Variants in TNIK observed in about 807,000 individuals in gnomAD.
TNIK encodes the protein TRAF2 and NCK interacting kinase, also known as TRAF2 and NCK-interacting protein kinase.
In TNIK, 49 loss-of-function variants were observed where a neutral mutation model predicts 191.3. The ratio of observed to expected loss-of-function variants is 0.26; its 90% confidence interval spans 0.20 to 0.32. The LOEUF (loss-of-function observed/expected upper bound fraction) is 0.32. Ranked by LOEUF, TNIK falls within the 10% of genes least tolerant of loss-of-function variation. TNIK has a pLI of 1.00. For missense variants in TNIK, 1,155 were observed against 1,702.3 expected, an observed-to-expected ratio of 0.68 and a Z score of 5.66; for synonymous variants, 594 against 600.9, an observed-to-expected ratio of 0.99 and a Z score of 0.17.
chr3:171,117,177 G>C (rs1726858812), intron 18 of TNIK, among the ~76,000 whole-genome samples: 1 of 152,216 alleles, frequency 6.6e-6, no homozygotes, highest in Admixed American at 6.5e-5. Flanking sequence ...ATCAAGAGGA[G>C]CTGTTAACAG....
intron 4 of TNIK, among the ~76,000 whole-genome samples, chr3:171,208,626 C>T (rs917052238): frequency 8.6e-5 from 13 of 151,836 alleles, no homozygotes; most frequent in African/African-American, 2.7e-4. Flanking sequence ...GACACTATCT[C>T]GGCTTACTGC....
intron 2 of TNIK, among the ~76,000 whole-genome samples, chr3:171,322,916 T>A (rs749510890): frequency 6.6e-6 from 1 of 151,898 alleles, no homozygotes; most frequent in Non-Finnish European, 1.5e-5. Flanking sequence ...CCTGCTTTTG[T>A]ATAGCCAGTG....
intron 2 of TNIK, among the ~76,000 whole-genome samples, chr3:171,330,268 G>GA (rs140529699): frequency 1.3e-5 from 2 of 152,014 alleles, no homozygotes; most frequent in African/African-American, 2.4e-5. Context: ...ATAGCTGAAA[G>GA]AAAAAAAATA....
At chr3:171,113,206 T>A (rs1356139319) in intron 18 of TNIK, among the ~76,000 whole-genome samples, 1 of 152,258 alleles carries the variant, frequency 6.6e-6, no homozygotes, top group Non-Finnish European at 1.5e-5. Flanking sequence ...CCTTTGTTCA[T>A]GTAGCTTGTG....
At chr3:171,345,713 G>T (rs979283961) in intron 2 of TNIK, among the ~76,000 whole-genome samples, 1 of 152,098 alleles carries the variant, frequency 6.6e-6, no homozygotes, top group African/African-American at 2.4e-5. Flanking sequence ...GGTGAAAATG[G>T]ACTTTTTTTC....
rs1715692450 is a variant in TNIK at position 171,366,097 on chromosome 3, A to AT, written c.123+3522_123+3523insA. Reference sequence around the variant, plus strand: ...TGTGTCCAGATTCCATTAGGTTCCCAATAGATGGCATGCCAATAAACAGCC... The same window carrying AT: ...TGTGTCCAGATTCCATTAGGTTCCCATATAGATGGCATGCCAATAAACAGCC... On this transcript the variant is annotated intron_variant, in intron 2 of 32. Transcript: ENST00000436636. The surrounding 1 kb of genome is among the most constrained non-coding windows in gnomAD (Gnocchi z 4.1). 6.6e-6 allele frequency among the ~76,000 whole-genome samples: 1 copy of AT among 152,226 alleles called. No individual in the cohort carries two copies. The highest frequency in any genetic ancestry group is 2.1e-4 in the South Asian group (1 of 4,828).
intron 1 of TNIK, among the ~76,000 whole-genome samples, chr3:171,420,013 CT>C (rs1305065813): frequency 1.3e-5 from 2 of 152,164 alleles, no homozygotes; most frequent in Non-Finnish European, 2.9e-5. Flanking sequence ...ACCAAGATGG[CT>C]TTTTAGCATC....
At chr3:171,326,860 T>G (rs1477775904) in intron 2 of TNIK, among the ~76,000 whole-genome samples, 2 of 152,180 alleles carry the variant, frequency 1.3e-5, no homozygotes, top group Non-Finnish European at 2.9e-5. Context: ...AGGGTGCTCT[T>G]CTTAGGATTC....
At chr3:171,098,643 C>A (rs907435005) in intron 22 of TNIK, among the ~76,000 whole-genome samples, 1 of 152,130 alleles carries the variant, frequency 6.6e-6, no homozygotes, top group Non-Finnish European at 1.5e-5. Context: ...TCTGTGTTTA[C>A]TTCATGGTGG....
chr3:171,429,125 C>A (rs556448816), intron 1 of TNIK, among the ~76,000 whole-genome samples: 1 of 152,186 alleles, frequency 6.6e-6, no homozygotes, highest in Non-Finnish European at 1.5e-5. Flanking sequence ...TAGAAGTCAT[C>A]CTGCCCTACG....
At chr3:171,093,165 C>T (rs568085981) in intron 23 of TNIK, among the ~76,000 whole-genome samples, 32 of 152,178 alleles carry the variant, frequency 2.1e-4, no homozygotes, top group South Asian at 6.2e-4. Flanking sequence ...GAGGAAAAGA[C>T]GGATTTCAAT....
intron 1 of TNIK, among the ~76,000 whole-genome samples, chr3:171,424,287 C>T (rs938836099): frequency 1.3e-5 from 2 of 152,130 alleles, no homozygotes; most frequent in African/African-American, 4.8e-5. Flanking sequence ...AATGAGATAC[C>T]ATCTGACACC....
chr3:171,273,654 C>T (rs890091849), intron 2 of TNIK, among the ~76,000 whole-genome samples: 1 of 152,154 alleles, frequency 6.6e-6, no homozygotes, highest in Non-Finnish European at 1.5e-5. Context: ...CTCTCCACAG[C>T]CTATAGCTTA....
Position 171,102,681 on chromosome 3 carries a change from A to G in TNIK, c.2407-1048T>C, listed in dbSNP as rs1422274299. Among the ~76,000 whole-genome samples the G allele has an allele frequency of 2.0e-5, 3 of 152,170 alleles. No homozygotes were observed. The East Asian group carries it at 5.8e-4, about 29-fold the overall frequency. On this transcript the variant is annotated intron_variant, in intron 21 of 32. Coordinates refer to ENST00000436636, the MANE Select transcript of TNIK (RefSeq NM_015028.4). ...GGAATCAGAGCATTCAGTGAGAGAC[A>G]GGGGATTAGGGAGAAAGAAACTCAT...
chr3:171,194,950 C>T (rs1271442150), intron 4 of TNIK, among the ~76,000 whole-genome samples: 1 of 150,956 alleles, frequency 6.6e-6, no homozygotes, highest in Non-Finnish European at 1.5e-5. Flanking sequence ...TCTGTTTTAA[C>T]TCAGCAGTCA....
At chr3:171,313,683 C>A (rs953945522) in intron 2 of TNIK, among the ~76,000 whole-genome samples, 3 of 151,998 alleles carry the variant, frequency 2.0e-5, no homozygotes, top group Admixed American at 6.6e-5. Context: ...GGGGTCCTTA[C>A]GTCTAAACAG....
intron 27 of TNIK, among the ~76,000 whole-genome samples, chr3:171,080,686 G>A (rs897730477): frequency 6.6e-6 from 1 of 152,022 alleles, no homozygotes; most frequent in Non-Finnish European, 1.5e-5. Context: ...TGATCCGCCC[G>A]CCTCGGCCTC....
intron 2 of TNIK, among the ~76,000 whole-genome samples, chr3:171,304,029 T>G (rs1753156687): frequency 6.9e-6 from 1 of 144,712 alleles, no homozygotes; most frequent in Non-Finnish European, 1.5e-5. Context: ...GTGACCTGAG[T>G]TGAACCATGA....
At chr3:171,374,081 G>C (rs867015229) in intron 1 of TNIK, among the ~76,000 whole-genome samples, 1 of 152,164 alleles carries the variant, frequency 6.6e-6, no homozygotes, top group Non-Finnish European at 1.5e-5. Flanking sequence ...ACTGAATAAG[G>C]TTGATGTCCC....
Sources: gnomAD v4.1 joint callset for allele counts (sites outside exome capture counted in the v4.1 genomes callset) on GRCh38, gnomAD v4.1.1 for gene constraint, Gnocchi (gnomAD v3.1) non-coding constraint, MANE v1.5 for transcripts, NCBI Gene and HGNC (gene_info 2026-07-23, HGNC 2026-07-21) for gene names.